The following COL21A1 variants were observed in gnomAD, a reference collection of about 807,000 sequenced individuals.
COL21A1 encodes the protein collagen type XXI alpha 1 chain.
A neutral mutation model predicts 137.9 loss-of-function variants in COL21A1; 149 were observed. That is an observed-to-expected ratio of 1.08 (90% confidence interval 0.95 to 1.24). The LOEUF is 1.24. Ranked by LOEUF, COL21A1 falls within the 50% of genes most tolerant of loss-of-function variation. COL21A1 has a pLI of 0.00. For missense variants in COL21A1, 1,167 were observed against 1,158.4 expected, an observed-to-expected ratio of 1.01 and a Z score of -0.11; for synonymous variants, 456 against 391.5, an observed-to-expected ratio of 1.16 and a Z score of -1.95.
chr6:56,238,895 G>C (rs1782082071), intron 1 of COL21A1, among the ~76,000 whole-genome samples: 1 of 152,164 alleles, frequency 6.6e-6, no homozygotes, highest in South Asian at 2.1e-4. Flanking sequence ...TGAATACTTT[G>C]TATCTGCCAG....
intron 1 of COL21A1, among the ~76,000 whole-genome samples, chr6:56,306,341 C>T (rs1313865304): frequency 6.6e-6 from 1 of 151,386 alleles, no homozygotes; most frequent in Non-Finnish European, 1.5e-5. Flanking sequence ...AATTTGGTTC[C>T]ATTCTCCCCG....
At chr6:56,168,899 C>G (rs563409468) in intron 5 of COL21A1, among the ~76,000 whole-genome samples, 1 of 151,956 alleles carries the variant, frequency 6.6e-6, no homozygotes, top group Non-Finnish European at 1.5e-5. Flanking sequence ...CAGCCTGTAC[C>G]TCTCCTATGT....
At position 56,247,514 on chromosome 6, in the gene COL21A1, C is replaced by G. The variant is rs1582729589; in HGVS notation, c.-166G>C. The G allele has an allele frequency of 6.6e-6, 1 of 152,536 alleles. No homozygotes were observed. Among genetic ancestry groups the G allele is most frequent in the East Asian group, 1.9e-4 (1 of 5,184 alleles). The allele number at this position is 152,536 out of a possible 1,614,324, so 9.4% of individuals were successfully genotyped here. On this transcript the variant is annotated 5_prime_UTR_variant, in exon 1 of 30. Transcript: ENST00000244728. ...CCTGCGCTGAAACGGATTGGCTGCC[C>G]TCCGCCCGGAGTCCGTTCTCCCTGC... is the stretch of plus-strand genomic sequence containing the variant.
rs905095562 is a variant in COL21A1, at chr6:56,244,941, T to TG, written c.-39+2445dup. On this transcript the variant is annotated intron_variant, in intron 1 of 29. Coordinates refer to ENST00000244728, the MANE Select transcript of COL21A1 (RefSeq NM_030820.4). ...GTGAAAGGAATTGATTGTATGCATG[T>TG]GTGTGTGACTTGAAGCATTTTGAAA... Among the ~76,000 whole-genome samples the TG allele has an allele frequency of 9.2e-5, 14 of 152,310 alleles. No homozygotes were observed. In the East Asian group the frequency reaches 1.5e-3, roughly 17 times the overall value.
At chr6:56,074,744 T>C (rs1209895034) in intron 19 of COL21A1, among the ~76,000 whole-genome samples, 6 of 151,394 alleles carry the variant, frequency 4.0e-5, no homozygotes, top group Non-Finnish European at 8.9e-5. Context: ...GGGTACAAAA[T>C]GGCCGTATCT....
chr6:56,351,675 C>G (rs938761370), intron 1 of COL21A1, among the ~76,000 whole-genome samples: 1 of 152,188 alleles, frequency 6.6e-6, no homozygotes, highest in African/African-American at 2.4e-5. Context: ...TGCTCACATC[C>G]CAAACTAATC....
At chr6:56,115,253 C>T (rs558689582) in intron 16 of COL21A1, among the ~76,000 whole-genome samples, 151 of 150,634 alleles carry the variant, frequency 1.0e-3, no homozygotes, top group African/African-American at 3.6e-3. Flanking sequence ...ATGTAACTAA[C>T]CTGCACAATG....
intron 1 of COL21A1, among the ~76,000 whole-genome samples, chr6:56,389,423 G>A (rs1256399812): frequency 1.3e-5 from 2 of 151,126 alleles, no homozygotes; most frequent in Non-Finnish European, 2.9e-5. Context: ...AAAAAAGCAT[G>A]CCTACAACAT....
intron 1 of COL21A1, among the ~76,000 whole-genome samples, chr6:56,187,936 T>C (rs1235399285): frequency 1.3e-5 from 2 of 151,854 alleles, no homozygotes; most frequent in African/African-American, 4.8e-5. Flanking sequence ...AACATATAGA[T>C]AATAAAAAGA....
Position 56,166,917 on chromosome 6 carries a change from T to A in COL21A1, c.1267A>T (p.Ile423Phe), listed in dbSNP as rs745594024. Residue 423 changes from isoleucine to phenylalanine, a missense_variant, in exon 7 of 30, where the codon ATT becomes TTT. By Grantham distance (21) the Ile-to-Phe change is conservative (BLOSUM62 0). Coordinates refer to ENST00000244728, the MANE Select transcript of COL21A1 (RefSeq NM_030820.4). Reference sequence around the variant, plus strand: ...TCCCTCCTACTTACAAATCCAGGAATCTCACATGCTGTCTCCCGGTTGTTC... The same window carrying A: ...TCCCTCCTACTTACAAATCCAGGAAACTCACATGCTGTCTCCCGGTTGTTC... ...EQNNRETACE[I>F]PGFNGECLNG... The A allele has an allele frequency of 8.7e-6, 14 of 1,612,398 alleles. No individual in the cohort carries two copies. The South Asian group carries it at 1.5e-4, about 18-fold the overall frequency.
At chr6:56,172,465 T>A (rs1013677276) in intron 3 of COL21A1, among the ~76,000 whole-genome samples, 12 of 152,110 alleles carry the variant, frequency 7.9e-5, no homozygotes, top group Admixed American at 7.2e-4. Flanking sequence ...AATAAAGACT[T>A]TTCTAGATAA....
chr6:56,072,472 CG>C (rs1766843684), intron 20 of COL21A1, among the ~76,000 whole-genome samples: 1 of 151,444 alleles, frequency 6.6e-6, no homozygotes, highest in South Asian at 2.1e-4. Context: ...CTACTGAATA[CG>C]TTTTTGTCTC....
chr6:56,169,953 C>T (rs1323227055), intron 5 of COL21A1, among the ~76,000 whole-genome samples: 1 of 151,764 alleles, frequency 6.6e-6, no homozygotes, highest in Admixed American at 6.6e-5. Flanking sequence ...AAATTGCATA[C>T]TTTATATATA....
chr6:56,387,696 A>G (rs1324275711), intron 1 of COL21A1, among the ~76,000 whole-genome samples: 1 of 152,148 alleles, frequency 6.6e-6, no homozygotes, highest in African/African-American at 2.4e-5. Context: ...ACACAACCCA[A>G]AACAGATTTC....
At chr6:56,360,527 TGCAATA>T (rs1765941264) in intron 1 of COL21A1, among the ~76,000 whole-genome samples, 1 of 152,196 alleles carries the variant, frequency 6.6e-6, no homozygotes, top group Admixed American at 6.6e-5. Flanking sequence ...GATGGAATAA[TGCAATA>T]GCAACAGGTA....
intron 14 of COL21A1, 149 bp from the exon 15 acceptor site, chr6:56,124,441 AT>A: frequency 1.4e-6 from 1 of 701,600 alleles, no homozygotes; most frequent in Non-Finnish European, 2.4e-6. Context: ...GCAAAGCACT[AT>A]TTTACCAACC....
chr6:56,343,111 T>C (rs942466163), intron 1 of COL21A1, among the ~76,000 whole-genome samples: 1 of 152,208 alleles, frequency 6.6e-6, no homozygotes, highest in Non-Finnish European at 1.5e-5. Context: ...TTTGCATTCC[T>C]GGGGACCCAT....
intron 1 of COL21A1, among the ~76,000 whole-genome samples, chr6:56,390,056 G>A (rs1234266955): frequency 6.6e-6 from 1 of 152,148 alleles, no homozygotes; most frequent in African/African-American, 2.4e-5. Context: ...CAATTAGTGT[G>A]TAAACCACTC....
intron 1 of COL21A1, among the ~76,000 whole-genome samples, chr6:56,206,200 A>G (rs1779768589): frequency 6.6e-6 from 1 of 152,134 alleles, no homozygotes; most frequent in South Asian, 2.1e-4. Context: ...AATTGGATAA[A>G]GAGTCAAGAC....
Sources: gnomAD v4.1 joint callset for allele counts (sites outside exome capture counted in the v4.1 genomes callset) on GRCh38, gnomAD v4.1.1 for gene constraint, MANE v1.5 for transcripts, NCBI Gene and HGNC (gene_info 2026-07-23, HGNC 2026-07-21) for gene names.